Variants in SEC14L5 observed in about 807,000 individuals in gnomAD.
The protein encoded by SEC14L5 is SEC14 like lipid binding 5.
SEC14L5 carries 96 observed loss-of-function variants against 84.6 expected under a neutral mutation model. The ratio of observed to expected loss-of-function variants is 1.13; its 90% confidence interval spans 0.96 to 1.34. The LOEUF (loss-of-function observed/expected upper bound fraction) is 1.34, where lower values mean the gene tolerates loss of function less well. SEC14L5 is among the 40% of genes most tolerant of loss of function. SEC14L5 has a pLI of 0.00. For synonymous variants in SEC14L5, 546 were observed against 383.4 expected (o/e 1.42, Z -4.95); for missense variants, 1,224 against 942.5 (o/e 1.30, Z -3.91).
At chr16:5,003,328 T>C in intron 10 of SEC14L5, 74 bp from the exon 11 acceptor site, 1 of 1,189,822 alleles carries the variant, frequency 8.4e-7, no homozygotes, top group Non-Finnish European at 1.2e-6. Context: ...TCCCTGTTCA[T>C]CCCCTGTGGG....
chr16:4,982,595 A>G (rs919577658), intron 2 of SEC14L5, among the ~76,000 whole-genome samples: 11 of 152,158 alleles, frequency 7.2e-5, no homozygotes, highest in Non-Finnish European at 1.6e-4. Flanking sequence ...CTCCGAGGAC[A>G]GTGAGGGGCC....
intron 2 of SEC14L5, among the ~76,000 whole-genome samples, chr16:4,982,657 C>T (rs550378624): frequency 3.3e-5 from 5 of 152,190 alleles, no homozygotes; most frequent in East Asian, 1.9e-4. Context: ...CTCCTGTGCT[C>T]GTGGCCAAAT....
intron 13 of SEC14L5, among the ~76,000 whole-genome samples, chr16:5,007,895 G>A (rs896741464): frequency 7.0e-6 from 1 of 142,460 alleles, no homozygotes; most frequent in Non-Finnish European, 1.5e-5. Flanking sequence ...CGGGAGCCAC[G>A]GCGCCTGGCC....
chr16:4,990,715 G>A (rs946474153), intron 4 of SEC14L5, 52 bp from the exon 5 acceptor site: 139 of 1,551,548 alleles, frequency 9.0e-5, no homozygotes, highest in Middle Eastern at 2.1e-4. Context: ...CTAGGGGAGG[G>A]CAGGGTGCCC....
intron 4 of SEC14L5, among the ~76,000 whole-genome samples, chr16:4,989,606 C>G (rs577241344): frequency 3.3e-5 from 5 of 152,308 alleles, no homozygotes; most frequent in Admixed American, 3.3e-4. Context: ...CTTGGCCTTC[C>G]AAAGTGCTGG....
In SEC14L5 at chr16:4,996,451, C is replaced by G. The variant is rs1042650106; in HGVS notation, c.771C>G (p.His257Gln). 5.1e-6 allele frequency: 8 copies of G among 1,563,268 alleles called. No homozygotes were observed. In the African/African-American group the frequency reaches 5.4e-5, roughly 11 times the overall value. ...IQLRHWLQET[H>Q]KGKIPKDEHI... The stretch of plus-strand genomic sequence containing the variant: ...TTCGGCACTGGTTACAGGAGACCCA[C>G]AAAGGCAAGGTGGGTGCAGGGGGTA... The change falls in exon 7 of 16, where the codon CAC (histidine) becomes CAG (glutamine). Residue 257 changes from histidine to glutamine, a missense_variant. His to Gln is a conservative substitution (Grantham distance 24). Coordinates refer to ENST00000251170, the MANE Select transcript of SEC14L5 (RefSeq NM_014692.2).
intron 11 of SEC14L5, 35 bp downstream of exon 11, chr16:5,003,608 GGGGT>G: frequency 1.7e-6 from 2 of 1,144,800 alleles, no homozygotes; most frequent in Non-Finnish European, 2.5e-6. Flanking sequence ...ACTCTCCCTG[GGGGT>G]GGGTGGGATG....
chr16:4,996,521 C>T (rs1032963381), intron 7 of SEC14L5, 61 bp downstream of exon 7: 13 of 838,998 alleles, frequency 1.5e-5, no homozygotes, highest in Middle Eastern at 2.4e-4. Flanking sequence ...ACTCAGCCTC[C>T]GTGCATGGGA....
At chr16:4,992,212 C>T (rs1955560561) in intron 6 of SEC14L5, among the ~76,000 whole-genome samples, 182 bp downstream of exon 6, 1 of 152,230 alleles carries the variant, frequency 6.6e-6, no homozygotes, top group South Asian at 2.1e-4. Context: ...CCATCCTGGT[C>T]CAAGAGCAGA....
chr16:5,000,425 A>C lies in SEC14L5; in HGVS notation c.971-230A>C, dbSNP rs138239112. On this transcript the variant is annotated intron_variant, in intron 8 of 15. Transcript: ENST00000251170. ...AATGCTGGGGTAATAGGTGTGAGCC[A>C]CTGTGCTGGCCCTTATCCTCATTGT... Among the ~76,000 whole-genome samples the C allele has an allele frequency of 1.5e-3, 230 of 152,350 alleles. 1 individual carries two copies. The highest frequency in any genetic ancestry group is 5.3e-3 in the African/African-American group (221 of 41,576).
At chr16:5,014,631 G>C (rs1955849778) in intron 15 of SEC14L5, among the ~76,000 whole-genome samples, 1 of 152,266 alleles carries the variant, frequency 6.6e-6, no homozygotes, top group African/African-American at 2.4e-5. Context: ...CCTCAGGCCA[G>C]GGGAGCCCCT....
intron 13 of SEC14L5, among the ~76,000 whole-genome samples, chr16:5,008,146 C>A (rs959740322): frequency 3.3e-5 from 5 of 151,390 alleles, no homozygotes; most frequent in Non-Finnish European, 7.4e-5. Context: ...GAACTCCTGA[C>A]CTCAAGTGAT....
In SEC14L5 at chr16:4,988,280, G is replaced by A. The variant is rs772330862; in HGVS notation, c.345G>A (p.Thr115=). 5 of 1,613,524 alleles carry A rather than the reference G, an allele frequency of 3.1e-6. 1 individual carries two copies. Among genetic ancestry groups the A allele is most frequent in the South Asian group, 2.2e-5 (2 of 91,056 alleles). The change falls in exon 4 of 16, where the codon ACG becomes ACA. Residue 115 remains threonine, a splice_region_variant and synonymous_variant. Transcript: ENST00000251170. Reference sequence around the variant, plus strand: ...TGGTGAACGAGCACTGCAGCTACACGGTGAGCCCAGGCCACCCTCAGCGCC... The same window carrying A: ...TGGTGAACGAGCACTGCAGCTACACAGTGAGCCCAGGCCACCCTCAGCGCC... ...RVVVNEHCSY[T]VHPENEDWTC... is the part of the protein sequence containing the mutation.
chr16:4,963,072 C>T (rs1324342817), intron 2 of SEC14L5, among the ~76,000 whole-genome samples: 1 of 152,198 alleles, frequency 6.6e-6, no homozygotes. Context: ...TTCAGTTTTT[C>T]TGTTTAACAA....
intron 1 of SEC14L5, 43 bp downstream of exon 1, chr16:4,958,488 T>C (rs1490945748): frequency 1.3e-5 from 2 of 151,626 alleles, no homozygotes; most frequent in Non-Finnish European, 2.9e-5. Flanking sequence ...AGCGCTCAGC[T>C]CCCGAGCCAG....
intron 12 of SEC14L5, among the ~76,000 whole-genome samples, 188 bp from the exon 13 acceptor site, chr16:5,007,164 G>C (rs1404666698): frequency 6.6e-6 from 1 of 152,134 alleles, no homozygotes; most frequent in Admixed American, 6.5e-5. Context: ...TCTGTGAAAC[G>C]GGAAGAATAA....
chr16:4,976,789 C>A (rs1955346375), intron 2 of SEC14L5, among the ~76,000 whole-genome samples: 1 of 152,232 alleles, frequency 6.6e-6, no homozygotes, highest in South Asian at 2.1e-4. Context: ...GGCAGAAGGG[C>A]TGTAACTGAA....
chr16:5,010,947 G>A, intron 14 of SEC14L5, 148 bp from the exon 15 acceptor site: 2 of 695,472 alleles, frequency 2.9e-6, no homozygotes, highest in South Asian at 1.9e-5. Context: ...GGCCCTGACA[G>A]GAGGAGTTGC....
At chr16:5,001,939 AT>A (rs879623277) in intron 10 of SEC14L5, among the ~76,000 whole-genome samples, 14 of 147,848 alleles carry the variant, frequency 9.5e-5, no homozygotes, top group South Asian at 2.1e-4. Flanking sequence ...TGCCCAGCTA[AT>A]TTTTTTTTTT....
Sources: allele counts gnomAD v4.1 joint callset (sites outside exome capture counted in the v4.1 genomes callset), GRCh38; gene constraint gnomAD v4.1.1; transcripts MANE v1.5; gene names NCBI Gene and HGNC (gene_info 2026-07-23, HGNC 2026-07-21).